SV2C: variants seen among roughly 807,000 people sequenced by gnomAD.
SV2C encodes solute carrier family 22 member B3.
Under a neutral mutation model 79.7 loss-of-function variants are expected in SV2C, and 49 were observed. The observed-to-expected ratio is 0.61, with a 90% CI of 0.49 to 0.78. The LOEUF is 0.78. SV2C is among the 30% of genes least tolerant of loss of function. The pLI, the probability that SV2C is intolerant of heterozygous loss-of-function variation, is 0.00. For synonymous variants in SV2C, 334 were observed against 333.2 expected (o/e 1.00, Z -0.03); for missense variants, 833 against 912.9 (o/e 0.91, Z 1.13).
At chr5:76,120,921 T>C (rs1194363196) in intron 1 of SV2C, among the ~76,000 whole-genome samples, 1 of 151,378 alleles carries the variant, frequency 6.6e-6, no homozygotes, top group Non-Finnish European at 1.5e-5. Context: ...TTTCCAGTTC[T>C]AGATCCCTGA....
chr5:76,315,396 T>C (rs939126836), intron 12 of SV2C, among the ~76,000 whole-genome samples: 6 of 152,284 alleles, frequency 3.9e-5, no homozygotes, highest in African/African-American at 1.4e-4. Flanking sequence ...AAATGTCTAT[T>C]ACAAAAATCG....
the SV2C span, among the ~76,000 whole-genome samples, chr5:76,043,410 T>C: frequency 2.0e-5 from 3 of 152,200 alleles, no homozygotes; most frequent in Admixed American, 2.0e-4. Context: ...CTAGCTGTCA[T>C]GGAAGTTAAA....
At chr5:76,000,246 TCCCAGGTA>T in the SV2C span, among the ~76,000 whole-genome samples, 7 of 152,096 alleles carry the variant, frequency 4.6e-5, no homozygotes, top group African/African-American at 1.7e-4. Context: ...TAGTAACATT[TCCCAGGTA>T]CCCACCCCTA....
At chr5:76,251,251 C>T (rs1448414762) in intron 4 of SV2C, among the ~76,000 whole-genome samples, 2 of 152,010 alleles carry the variant, frequency 1.3e-5, no homozygotes, top group Non-Finnish European at 2.9e-5. Flanking sequence ...CTCATCAAAG[C>T]ACAGGTTGTG....
At chr5:76,113,056 G>A (rs138689262) in intron 1 of SV2C, among the ~76,000 whole-genome samples, 3 of 152,310 alleles carry the variant, frequency 2.0e-5, no homozygotes, top group East Asian at 3.9e-4. Flanking sequence ...TCTAGCACAA[G>A]TATAAGTTTG....
chr5:76,262,710 G>C (rs1746514450), intron 4 of SV2C, among the ~76,000 whole-genome samples: 1 of 152,176 alleles, frequency 6.6e-6, no homozygotes, highest in Non-Finnish European at 1.5e-5. Context: ...TTCAGGAGCA[G>C]GTTGTTCAGT....
intron 1 of SV2C, among the ~76,000 whole-genome samples, chr5:76,105,987 A>G (rs1234864581): frequency 6.6e-6 from 1 of 151,968 alleles, no homozygotes. Context: ...TTCACTCCCA[A>G]ATGCATATGT....
At chr5:76,122,854 G>A (rs1417795741) in intron 1 of SV2C, among the ~76,000 whole-genome samples, 1 of 151,692 alleles carries the variant, frequency 6.6e-6, no homozygotes, top group East Asian at 1.9e-4. Flanking sequence ...GCTAGCAGAA[G>A]GCAAGAAATA....
intron 4 of SV2C, among the ~76,000 whole-genome samples, chr5:76,267,378 A>G (rs1324908934): frequency 1.3e-5 from 2 of 152,166 alleles, no homozygotes; most frequent in Non-Finnish European, 2.9e-5. Context: ...AGAAAAGAAA[A>G]TTTAATATTA....
rs181633294 is a variant in SV2C, at chr5:76,315,957, G to A, written c.2001-9407G>A. On this transcript the variant is annotated intron_variant, in intron 12 of 12. Coordinates refer to ENST00000502798, the MANE Select transcript of SV2C (RefSeq NM_014979.4). The stretch of plus-strand genomic sequence containing the variant: ...TATTCCCTAATGAACACACACAAAC[G>A]AAGCAGGTCATATATGTGAAGGTGT... 7.2e-5 allele frequency among the ~76,000 whole-genome samples: 11 copies of A among 152,220 alleles called. No homozygotes were observed. The East Asian group carries it at 1.9e-3, about 27-fold the overall frequency.
chr5:76,147,464 T>TCTGTGC (rs144526194), intron 2 of SV2C, among the ~76,000 whole-genome samples: 5,941 of 152,280 alleles, frequency 0.039, 514 homozygotes, highest in East Asian at 0.33. Flanking sequence ...CAATTCTGTG[T>TCTGTGC]CTGTGCCAGC....
At chr5:75,965,946 TG>T in the SV2C span, among the ~76,000 whole-genome samples, 1 of 152,204 alleles carries the variant, frequency 6.6e-6, no homozygotes, top group Non-Finnish European at 1.5e-5. Flanking sequence ...CTTTTCAGTT[TG>T]TCAGCTTTGG....
the SV2C span, among the ~76,000 whole-genome samples, chr5:75,923,356 C>T: frequency 6.6e-6 from 1 of 152,116 alleles, no homozygotes; most frequent in South Asian, 2.1e-4. Context: ...TGGACATTGG[C>T]TTAGGCAAAG....
intron 3 of SV2C, among the ~76,000 whole-genome samples, chr5:76,200,416 T>G (rs1460008769): frequency 6.6e-6 from 1 of 152,226 alleles, no homozygotes; most frequent in Non-Finnish European, 1.5e-5. Context: ...CAGGAATAAC[T>G]CAGCTAGGAC....
chr5:75,991,713 T>C, the SV2C span, among the ~76,000 whole-genome samples: 7 of 151,132 alleles, frequency 4.6e-5, no homozygotes, highest in African/African-American at 1.5e-4. Context: ...GATATATATA[T>C]GCAAAACCAT....
At chr5:76,197,873 G>A (rs980868833) in intron 3 of SV2C, among the ~76,000 whole-genome samples, 2 of 152,180 alleles carry the variant, frequency 1.3e-5, no homozygotes, top group African/African-American at 2.4e-5. Flanking sequence ...CAGAACCAGG[G>A]AAGCTGATAA....
Position 76,229,223 on chromosome 5 carries a change from G to A in SV2C, c.913+19336G>A, listed in dbSNP as rs369187637. 1.7e-4 allele frequency among the ~76,000 whole-genome samples: 26 copies of A among 152,302 alleles called. No individual in the cohort carries two copies. The East Asian group carries it at 2.5e-3, about 15-fold the overall frequency. On this transcript the variant is annotated intron_variant, in intron 4 of 12. Coordinates refer to ENST00000502798, the MANE Select transcript of SV2C (RefSeq NM_014979.4). Reference sequence around the variant, plus strand: ...AGGCTGAGGATCCTCACCCTGGTGCGGGACGGCCATGTGGCCATTCAGAGT... The same window carrying A: ...AGGCTGAGGATCCTCACCCTGGTGCAGGACGGCCATGTGGCCATTCAGAGT...
the SV2C span, among the ~76,000 whole-genome samples, chr5:76,061,242 C>T: frequency 8.8e-6 from 1 of 114,132 alleles, no homozygotes; most frequent in East Asian, 2.7e-4. Context: ...TTACTTGATG[C>T]AAGGTTGCCA....
intron 2 of SV2C, among the ~76,000 whole-genome samples, chr5:76,160,331 T>TA (rs1353956851): frequency 6.6e-6 from 1 of 152,168 alleles, no homozygotes; most frequent in Admixed American, 6.5e-5. Flanking sequence ...TTCCAAAACT[T>TA]ACTACCAAGC....
Sources: allele counts gnomAD v4.1 joint callset (sites outside exome capture counted in the v4.1 genomes callset), GRCh38; gene constraint gnomAD v4.1.1; transcripts MANE v1.5; gene names NCBI Gene and HGNC (gene_info 2026-07-23, HGNC 2026-07-21).